Variants in TMC3 observed in about 807,000 individuals in gnomAD.
The protein encoded by TMC3 is transmembrane channel like 3.
In TMC3, 98 loss-of-function variants were observed where a neutral mutation model predicts 110.6. That is an observed-to-expected ratio of 0.89 (90% CI 0.75 to 1.05). TMC3 has a LOEUF of 1.05. Among genes scored for constraint, TMC3 ranks in the 50% least tolerant of loss-of-function variants. The pLI is 0.00. For synonymous variants in TMC3, 489 were observed against 513.1 expected (o/e 0.95, Z 0.63); for missense variants, 1,319 against 1,373.2 (o/e 0.96, Z 0.62).
At chr15:81,346,513 A>G in intron 11 of TMC3, 70 bp from the exon 12 acceptor site, 2 of 1,455,726 alleles carry the variant, frequency 1.4e-6, no homozygotes, top group Middle Eastern at 1.7e-4. Flanking sequence ...GAGCCCCCAC[A>G]TGGTTCTAAA....
Position 81,338,649 on chromosome 15 carries a change from A to T in TMC3, c.2081+6T>A, listed in dbSNP as rs773153801. 6.2e-7 allele frequency: 1 copy of T among 1,613,794 alleles called. No homozygotes were observed. The highest frequency in any genetic ancestry group is 8.5e-7 in the Non-Finnish European group (1 of 1,179,804). ...TCCCTCCAAAGCTGGCAGGTGTGGT[A>T]CTCACAAAAGCAGGAGTACTGCGGG... On this transcript the variant is annotated splice_donor_region_variant and intron_variant, in intron 18 of 21. Transcript: ENST00000359440.
intron 1 of TMC3, among the ~76,000 whole-genome samples, chr15:81,373,350 A>G (rs1044212985): frequency 1.3e-5 from 2 of 152,222 alleles, no homozygotes; most frequent in African/African-American, 2.4e-5. Flanking sequence ...CTCAAGAGGA[A>G]CAATTTTCCA....
At chr15:81,366,038 A>G (rs1486605832) in intron 3 of TMC3, among the ~76,000 whole-genome samples, 2 of 152,232 alleles carry the variant, frequency 1.3e-5, no homozygotes, top group Admixed American at 6.5e-5. Context: ...AGATCTAACA[A>G]TATGTATGAC....
chr15:81,372,866 TGTGC>T (rs1894467645), intron 1 of TMC3, 129 bp from the exon 2 acceptor site: 18 of 794,328 alleles, frequency 2.3e-5, no homozygotes, highest in Admixed American at 5.2e-5. Context: ...TGTATGTGTT[TGTGC>T]GTGTGTGTGT....
intron 18 of TMC3, 23 bp from the exon 19 acceptor site, chr15:81,337,947 A>G (rs1033058482): frequency 1.9e-6 from 3 of 1,592,012 alleles, no homozygotes; most frequent in Non-Finnish European, 1.7e-6. Flanking sequence ...AACACAGGAC[A>G]ATGAGTGGAC....
intron 3 of TMC3, among the ~76,000 whole-genome samples, chr15:81,366,902 G>A (rs937392201): frequency 2.6e-5 from 4 of 152,148 alleles, no homozygotes; most frequent in Admixed American, 6.6e-5. Flanking sequence ...TAAAAAGAGT[G>A]TATCTGTCAG....
chr15:81,363,813 C>T (rs76210343), intron 3 of TMC3, among the ~76,000 whole-genome samples: 15,293 of 152,202 alleles, frequency 0.1, 807 homozygotes, highest in East Asian at 0.22. Context: ...GAGAGGCAGG[C>T]TTTCTGATCA....
intron 2 of TMC3, among the ~76,000 whole-genome samples, chr15:81,372,359 CA>C (rs1236590864): frequency 1.5e-4 from 10 of 67,020 alleles, no homozygotes; most frequent in African/African-American, 9.3e-4. Flanking sequence ...GACACACACA[CA>C]CACACACACA....
chr15:81,354,950 C>T (rs1894027714), intron 9 of TMC3, among the ~76,000 whole-genome samples: 2 of 152,048 alleles, frequency 1.3e-5, no homozygotes, highest in Non-Finnish European at 2.9e-5. Flanking sequence ...AGGTGAGGAA[C>T]TTCAGGTTCA....
At chr15:81,343,083 T>G in intron 15 of TMC3, 195 bp downstream of exon 15, 1 of 509,370 alleles carries the variant, frequency 2.0e-6, no homozygotes, top group East Asian at 3.0e-5. Context: ...GATTATTTTC[T>G]TTTTAATTTC....
chr15:81,359,546 C>T, intron 4 of TMC3, 75 bp from the exon 5 acceptor site: 1 of 1,070,588 alleles, frequency 9.3e-7, no homozygotes, highest in Non-Finnish European at 1.3e-6. Context: ...AAAAGAACAC[C>T]ATAATTTTTT....
rs767720432 is a variant in TMC3 at position 81,332,729 on chromosome 15, T to C, written c.2993A>G (p.Glu998Gly). ...CCTCTCAAGGTGACCCTCAAAATCTTCATTCCACGACTTGTAGTGCACCCT... is the reference window on the plus strand; with the variant it reads ...CCTCTCAAGGTGACCCTCAAAATCTCCATTCCACGACTTGTAGTGCACCCT... ...QGRVHYKSWN[E>G]DFEGHLERPA... Residue 998 changes from glutamate to glycine, a missense_variant, in exon 22 of 22, where the codon GAA becomes GGA. Glu to Gly is a moderately conservative substitution (Grantham distance 98, BLOSUM62 -2). Coordinates refer to ENST00000359440, the MANE Select transcript of TMC3 (RefSeq NM_001080532.3). 1 of 1,613,768 alleles carries C rather than the reference T, an allele frequency of 6.2e-7. No individual in the cohort carries two copies. The highest frequency in any genetic ancestry group is 1.1e-5 in the South Asian group (1 of 91,064).
intron 1 of TMC3, 95 bp from the exon 2 acceptor site, chr15:81,372,832 C>A: frequency 1.6e-6 from 2 of 1,278,352 alleles, no homozygotes; most frequent in African/African-American, 2.9e-5. Flanking sequence ...CATCTCACTG[C>A]CCTAGGGTCA....
chr15:81,362,357 G>C (rs934149479), intron 3 of TMC3, 56 bp from the exon 4 acceptor site: 3 of 1,392,620 alleles, frequency 2.2e-6, no homozygotes, highest in Admixed American at 1.8e-5. Context: ...GGCAATGGCT[G>C]TGCAGTACTA....
intron 3 of TMC3, among the ~76,000 whole-genome samples, chr15:81,364,244 C>T (rs1393803833): frequency 6.6e-6 from 1 of 151,952 alleles, no homozygotes; most frequent in Non-Finnish European, 1.5e-5. Flanking sequence ...ACTGAATGGC[C>T]CAAGATGCTC....
At chr15:81,372,321 C>A (rs1379348438) in intron 2 of TMC3, among the ~76,000 whole-genome samples, 1 of 149,960 alleles carries the variant, frequency 6.7e-6, no homozygotes, top group Non-Finnish European at 1.5e-5. Context: ...ACTCTTTATA[C>A]TCTCTCTTTC....
intron 11 of TMC3, 35 bp downstream of exon 11, chr15:81,349,423 G>T (rs747964820): frequency 5.1e-6 from 7 of 1,373,024 alleles, no homozygotes; most frequent in Non-Finnish European, 6.7e-6. Context: ...ACATGGGTGA[G>T]CCACAGGTGG....
At position 81,343,931 on chromosome 15, in the gene TMC3, G is replaced by T; in HGVS notation, c.1633C>A (p.Leu545Met). 6.2e-7 allele frequency: 1 copy of T among 1,612,288 alleles called. No homozygotes were observed. Among genetic ancestry groups the T allele is most frequent in the Non-Finnish European group, 8.5e-7 (1 of 1,178,880 alleles). ...ATTTTACTTACAAACTTGCTCTCCA[G>T]ATCCCAACACCAGTAGTCACTTAAG... ...RYLSDYWCWD[L>M]ESKFPEYGEF... Residue 545 changes from leucine (L) to methionine (M), a missense_variant, in exon 14 of 22, where the codon CTG becomes ATG. Leu to Met is a conservative substitution (Grantham distance 15, BLOSUM62 2). Coordinates refer to ENST00000359440, the MANE Select transcript of TMC3 (RefSeq NM_001080532.3).
chr15:81,372,554 G>T, intron 2 of TMC3, 37 bp downstream of exon 2: 10 of 1,611,718 alleles, frequency 6.2e-6, no homozygotes, highest in Non-Finnish European at 7.6e-6. Flanking sequence ...CGGAAAGCAT[G>T]CTTGTAATGA....
Sources: gnomAD v4.1 joint callset for allele counts (sites outside exome capture counted in the v4.1 genomes callset) on GRCh38, gnomAD v4.1.1 for gene constraint, MANE v1.5 for transcripts, NCBI Gene and HGNC (gene_info 2026-07-23, HGNC 2026-07-21) for gene names.